The following REV3L variants were observed in gnomAD, a reference collection of about 807,000 sequenced individuals.
The protein encoded by REV3L is REV3 like, DNA directed polymerase zeta catalytic subunit, also known as DNA polymerase zeta catalytic subunit.
A neutral mutation model predicts 299.4 loss-of-function variants in REV3L; 69 were observed. That is an observed-to-expected ratio of 0.23 (90% CI 0.19 to 0.28). The LOEUF is 0.28. Among genes scored for constraint, REV3L ranks in the 10% least tolerant of loss-of-function variants. The pLI is 1.00. For synonymous variants in REV3L, 1,238 were observed against 1,271.4 expected, an observed-to-expected ratio of 0.97 and a Z score of 0.56; for missense variants, 3,128 against 3,693.8, an observed-to-expected ratio of 0.85 and a Z score of 3.97.
intron 1 of REV3L, among the ~76,000 whole-genome samples, chr6:111,456,090 G>A (rs1790126719): frequency 6.6e-6 from 1 of 152,042 alleles, no homozygotes; most frequent in Non-Finnish European, 1.5e-5. Flanking sequence ...TTTTTTCTAG[G>A]TTTGTGTAGT....
At chr6:111,382,896 A>T (rs1252761255) in intron 9 of REV3L, among the ~76,000 whole-genome samples, 1 of 152,122 alleles carries the variant, frequency 6.6e-6, no homozygotes, top group African/African-American at 2.4e-5. Flanking sequence ...TTTATCTTGC[A>T]ACTTGGATAC....
At chr6:111,472,580 GA>G (rs771320199) in intron 1 of REV3L, among the ~76,000 whole-genome samples, 62 of 138,258 alleles carry the variant, frequency 4.5e-4, no homozygotes, top group Middle Eastern at 7.4e-3. Flanking sequence ...GGCCAAAAAA[GA>G]AAAAAAAAAA....
intron 1 of REV3L, among the ~76,000 whole-genome samples, chr6:111,426,407 T>C (rs865827787): frequency 6.6e-6 from 1 of 152,226 alleles, no homozygotes; most frequent in Non-Finnish European, 1.5e-5. Flanking sequence ...ATATGTATAA[T>C]GTCCTCACAT....
chr6:111,359,575 G>C (rs1472354068), intron 16 of REV3L, among the ~76,000 whole-genome samples: 1 of 139,796 alleles, frequency 7.2e-6, no homozygotes, highest in African/African-American at 2.6e-5. Context: ...ACAACAGCCA[G>C]ATTTTTACAC....
At chr6:111,434,548 A>G (rs1055078755) in intron 1 of REV3L, among the ~76,000 whole-genome samples, 6 of 151,552 alleles carry the variant, frequency 4.0e-5, no homozygotes, top group African/African-American at 1.2e-4. Context: ...GAACCCGGGA[A>G]GCGGAGCTTG....
At chr6:111,420,177 G>A (rs1785174591) in intron 1 of REV3L, among the ~76,000 whole-genome samples, 1 of 152,056 alleles carries the variant, frequency 6.6e-6, no homozygotes, top group Non-Finnish European at 1.5e-5. Context: ...AGGGTATTAG[G>A]TATTTCTAGG....
At chr6:111,434,036 T>C (rs1169320892) in intron 1 of REV3L, among the ~76,000 whole-genome samples, 2 of 151,978 alleles carry the variant, frequency 1.3e-5, no homozygotes, top group African/African-American at 4.8e-5. Flanking sequence ...CAAAGGAACA[T>C]CCCTCAAAAT....
chr6:111,411,309 T>C (rs1660033013), intron 3 of REV3L, among the ~76,000 whole-genome samples, 171 bp downstream of exon 3: 1 of 152,158 alleles, frequency 6.6e-6, no homozygotes, highest in Non-Finnish European at 1.5e-5. Flanking sequence ...CTCTAAAATA[T>C]CCTTCATAGA....
Position 111,373,870 on chromosome 6 carries a change from C to T in REV3L, c.4485G>A (p.Ser1495=), listed in dbSNP as rs455645. The T allele has an allele frequency of 0.77, 1,240,888 of 1,613,726 alleles. 486,999 individuals carry two copies. Among genetic ancestry groups the T allele is most frequent in the Non-Finnish European group, 0.82 (962,619 of 1,179,890 alleles). Residue 1495 remains serine, a synonymous_variant, in exon 13 of 32, where the codon TCG becomes TCA. Coordinates refer to ENST00000368802, the MANE Select transcript of REV3L (RefSeq NM_001372078.1). ...TGGTTTGTGAAATTGCTTCTGATAA[C>T]GACCTCGGTTTTACTCTTTCAGGTT... ...NFKPERVKPR[S]LSEAISQTKA...
At chr6:111,370,158 T>C (rs948969110) in intron 13 of REV3L, among the ~76,000 whole-genome samples, 5 of 152,184 alleles carry the variant, frequency 3.3e-5, no homozygotes, top group African/African-American at 1.2e-4. Context: ...AAAATATTTT[T>C]CAAAAATGAT....
At chr6:111,440,035 C>T (rs771123905) in intron 1 of REV3L, among the ~76,000 whole-genome samples, 1 of 152,064 alleles carries the variant, frequency 6.6e-6, no homozygotes, top group Admixed American at 6.5e-5. Flanking sequence ...GCAGAAAATG[C>T]TTTCCAAGAG....
At chr6:111,410,166 T>A (rs1005916135) in intron 3 of REV3L, among the ~76,000 whole-genome samples, 1 of 152,144 alleles carries the variant, frequency 6.6e-6, no homozygotes, top group African/African-American at 2.4e-5. Context: ...GACTGCACCA[T>A]TGCGTACTCC....
At chr6:111,427,470 C>T (rs1786316485) in intron 1 of REV3L, among the ~76,000 whole-genome samples, 1 of 152,152 alleles carries the variant, frequency 6.6e-6, no homozygotes, top group African/African-American at 2.4e-5. Flanking sequence ...CACTCACTGC[C>T]ACAGGAAACC....
intron 20 of REV3L, among the ~76,000 whole-genome samples, chr6:111,348,178 T>G (rs1777214914): frequency 6.6e-6 from 1 of 152,168 alleles, no homozygotes. Context: ...ATTGAACTCC[T>G]GGCCTCAAGC....
chr6:111,405,286 A>C, intron 4 of REV3L, 184 bp downstream of exon 4: 1 of 431,452 alleles, frequency 2.3e-6, no homozygotes, highest in Non-Finnish European at 3.9e-6. Context: ...TACCAAAAAA[A>C]ATTTTTTCTG....
chr6:111,479,506 C>G (rs560831160), intron 1 of REV3L, among the ~76,000 whole-genome samples: 13 of 141,246 alleles, frequency 9.2e-5, no homozygotes, highest in East Asian at 4.2e-4. Context: ...TATCCCCCCC[C>G]GCCTTTTTTT....
At chr6:111,465,836 A>G (rs1791437246) in intron 1 of REV3L, among the ~76,000 whole-genome samples, 1 of 152,010 alleles carries the variant, frequency 6.6e-6, no homozygotes, top group Admixed American at 6.5e-5. Context: ...GTGATGAAAA[A>G]CGATTTATAC....
chr6:111,425,242 A>C (rs1786031788), intron 1 of REV3L, among the ~76,000 whole-genome samples: 1 of 152,116 alleles, frequency 6.6e-6, no homozygotes, highest in Non-Finnish European at 1.5e-5. Flanking sequence ...GCAGATTACG[A>C]GGTCAGGAGA....
At chr6:111,443,430 G>A (rs1277081640) in intron 1 of REV3L, among the ~76,000 whole-genome samples, 2 of 152,100 alleles carry the variant, frequency 1.3e-5, no homozygotes, top group South Asian at 2.1e-4. Context: ...ATAGATGGTG[G>A]GCATTGTAGA....
Sources: gnomAD v4.1 joint callset for allele counts (sites outside exome capture counted in the v4.1 genomes callset) on GRCh38, gnomAD v4.1.1 for gene constraint, MANE v1.5 for transcripts, NCBI Gene and HGNC (gene_info 2026-07-23, HGNC 2026-07-21) for gene names.